RASSF3: variants seen among roughly 807,000 people sequenced by gnomAD.
RASSF3 encodes the protein ras association domain-containing protein 3.
Under a neutral mutation model 19.9 loss-of-function variants are expected in RASSF3, and 19 were observed. The observed-to-expected ratio is 0.96, with a 90% CI of 0.67 to 1.40. RASSF3 has a LOEUF of 1.40. RASSF3 is among the 40% of genes most tolerant of loss of function. RASSF3 has a pLI of 0.00. For synonymous variants in RASSF3, 110 were observed against 104.2 expected (o/e 1.06, Z -0.34); for missense variants, 306 against 289.8 (o/e 1.06, Z -0.41).
intron 1 of RASSF3, among the ~76,000 whole-genome samples, chr12:64,613,964 A>G (rs573607448): frequency 2.0e-5 from 3 of 152,212 alleles, no homozygotes; most frequent in East Asian, 1.9e-4. Flanking sequence ...AAAACTGTCT[A>G]AAAGATATAA....
chr12:64,593,451 C>A (rs1337664194), intron 2 of RASSF3, among the ~76,000 whole-genome samples: 1 of 151,982 alleles, frequency 6.6e-6, no homozygotes, highest in Non-Finnish European at 1.5e-5. Flanking sequence ...GAACTCCTGG[C>A]CTGAAATTAT....
chr12:64,543,417 C>CCGCTCCCCT (rs1868978155), downstream of RASSF3, among the ~76,000 whole-genome samples: 1 of 67,066 alleles, frequency 1.5e-5, no homozygotes, highest in Non-Finnish European at 3.6e-5. Flanking sequence ...GTTTCCCGCC[C>CCGCTCCCCT]CCCGGCTCCC....
At chr12:64,694,068 C>T (rs1056306533) in intron 4 of RASSF3, among the ~76,000 whole-genome samples, 1 of 152,104 alleles carries the variant, frequency 6.6e-6, no homozygotes, top group Non-Finnish European at 1.5e-5. Context: ...AGAATGCGTG[C>T]CACTTGGGCA....
chr12:64,508,758 C>T (rs1426608507), intron 1 of RASSF3, among the ~76,000 whole-genome samples: 2 of 151,988 alleles, frequency 1.3e-5, no homozygotes, highest in Non-Finnish European at 2.9e-5. Flanking sequence ...GTAGCACATG[C>T]CTGTAATCCC....
intron 1 of RASSF3, among the ~76,000 whole-genome samples, chr12:64,624,904 C>T (rs892652945): frequency 2.0e-5 from 3 of 149,584 alleles, no homozygotes; most frequent in Non-Finnish European, 3.0e-5. Flanking sequence ...CCTGACTTCG[C>T]GATCTGCCCG....
At chr12:64,545,787 A>G (rs776724220), downstream of RASSF3, among the ~76,000 whole-genome samples, 1 of 152,160 alleles carries the variant, frequency 6.6e-6, no homozygotes, top group Non-Finnish European at 1.5e-5. Context: ...ATGAGGCAGG[A>G]AGATCGCTTG....
chr12:64,682,518 G>C (rs1247756543), intron 1 of RASSF3, among the ~76,000 whole-genome samples: 1 of 149,552 alleles, frequency 6.7e-6, no homozygotes, highest in Non-Finnish European at 1.5e-5. Context: ...AGTGAGCCCA[G>C]ATCCGGCCAC....
At chr12:64,665,252 AATT>A (rs773504453) in intron 1 of RASSF3, among the ~76,000 whole-genome samples, 9 of 152,272 alleles carry the variant, frequency 5.9e-5, no homozygotes, top group Non-Finnish European at 1.0e-4. Context: ...TTTGTGAAAT[AATT>A]ATTATTTTGC....
Position 64,610,599 on chromosome 12 carries a change from G to T in RASSF3, c.-34G>T. ...CCCCCTCCCTGGCCGCCTGCGCCCC[G>T]GGGAGGCCGCCCGCGCGCGACGGGA... On this transcript the variant is annotated 5_prime_UTR_variant, in exon 1 of 5. Coordinates refer to ENST00000542104, the MANE Select transcript of RASSF3 (RefSeq NM_178169.4). 7.1e-7 allele frequency: 1 copy of T among 1,401,464 alleles called. No individual in the cohort carries two copies. The highest frequency in any genetic ancestry group is 9.5e-7 in the Non-Finnish European group (1 of 1,052,322). The allele number at this position is 1,401,464 out of a possible 1,614,324, so 86.8% of individuals were successfully genotyped here. A position where few individuals can be genotyped will look rare whatever the true frequency, so the allele number is the denominator to read the frequency against.
intron 1 of RASSF3, among the ~76,000 whole-genome samples, chr12:64,612,191 C>A (rs1219620846): frequency 6.6e-6 from 1 of 152,168 alleles, no homozygotes; most frequent in African/African-American, 2.4e-5. Flanking sequence ...ATGCTTTTTC[C>A]ATTTTTGCTT....
rs34450092 is a variant in RASSF3, at chr12:64,663,840, CTTTTTTTT to C, written c.112-20932_112-20925del. On this transcript the variant is annotated intron_variant, in intron 1 of 4. Transcript: ENST00000542104. ...TTTCTTTACCACGTTTTAGCCTTGC[CTTTTTTTT>C]TTTTTTTTTTTTTTGCCTCAACAGA... 5.5e-5 allele frequency among the ~76,000 whole-genome samples: 4 copies of C among 73,084 alleles called. No individual in the cohort carries two copies. In the Admixed American group the frequency reaches 6.5e-4, roughly 12 times the overall value. The allele number at this position is 73,084 out of a possible 152,430, so 47.9% of individuals were successfully genotyped here.
chr12:64,653,297 C>T (rs1160884490), intron 1 of RASSF3, among the ~76,000 whole-genome samples: 1 of 152,124 alleles, frequency 6.6e-6, no homozygotes, highest in Non-Finnish European at 1.5e-5. Flanking sequence ...CCTGGCTGGT[C>T]TCAAATTCCT....
At chr12:64,553,345 C>T (rs578160275) in intron 2 of RASSF3, among the ~76,000 whole-genome samples, 16 of 152,102 alleles carry the variant, frequency 1.1e-4, no homozygotes, top group African/African-American at 1.4e-4. Context: ...GAGGGTGGAC[C>T]GGGGGGTTAA....
At chr12:64,681,163 C>T (rs1873112197) in intron 1 of RASSF3, among the ~76,000 whole-genome samples, 2 of 152,198 alleles carry the variant, frequency 1.3e-5, no homozygotes, top group African/African-American at 2.4e-5. Flanking sequence ...TTTCCTTCTC[C>T]TCATTCTTAG....
chr12:64,576,714 G>A (rs1592405878), intron 2 of RASSF3, among the ~76,000 whole-genome samples: 1 of 152,046 alleles, frequency 6.6e-6, no homozygotes, highest in East Asian at 1.9e-4. Flanking sequence ...ATCAGGGTAT[G>A]GTGGCACATG....
intron 2 of RASSF3, among the ~76,000 whole-genome samples, chr12:64,572,685 C>T (rs558305997): frequency 1.1e-4 from 16 of 152,180 alleles, no homozygotes; most frequent in Admixed American, 6.5e-4. Context: ...AATAAATGTA[C>T]GAACGAAGCT....
chr12:64,692,615 C>T (rs1256428402), intron 4 of RASSF3, among the ~76,000 whole-genome samples: 1 of 152,120 alleles, frequency 6.6e-6, no homozygotes, highest in East Asian at 1.9e-4. Flanking sequence ...GGTGACCATT[C>T]CCTCTGCCAG....
chr12:64,684,993 G>GTA, intron 2 of RASSF3, 99 bp downstream of exon 2: 1 of 716,208 alleles, frequency 1.4e-6, no homozygotes, highest in Non-Finnish European at 2.5e-6. Context: ...AATAGCATTT[G>GTA]TAGAAGTGTA....
chr12:64,543,454 C>CTG (rs1868986421), downstream of RASSF3, among the ~76,000 whole-genome samples: 1 of 99,024 alleles, frequency 1.0e-5, no homozygotes, highest in Non-Finnish European at 2.2e-5. Context: ...GCCCGCCCGC[C>CTG]CCCCGCTCCC....
Sources: gnomAD v4.1 joint callset for allele counts (sites outside exome capture counted in the v4.1 genomes callset) on GRCh38, gnomAD v4.1.1 for gene constraint, MANE v1.5 for transcripts, NCBI Gene and HGNC (gene_info 2026-07-23, HGNC 2026-07-21) for gene names.